Variants in RBFOX1 observed in about 807,000 individuals in gnomAD.
RBFOX1 encodes the protein RNA binding protein fox-1 homolog 1.
RBFOX1 carries 8 observed loss-of-function variants against 57.7 expected under a neutral mutation model. That is an observed-to-expected ratio of 0.14 (90% CI 0.08 to 0.25). The LOEUF is 0.25. Ranked by LOEUF, RBFOX1 falls within the 10% of genes least tolerant of loss-of-function variation. The probability of loss-of-function intolerance (pLI) is 1.00; values close to 1 mark genes in which losing one functional copy is unlikely to be tolerated. For missense variants in RBFOX1, 611 were observed against 548.5 expected, an observed-to-expected ratio of 1.11 and a Z score of -1.14; for synonymous variants, 326 against 222.4, an observed-to-expected ratio of 1.47 and a Z score of -4.15.
At chr16:7,149,022 G>T (rs201615217) in intron 4 of RBFOX1, among the ~76,000 whole-genome samples, 1 of 152,220 alleles carries the variant, frequency 6.6e-6, no homozygotes, top group Non-Finnish European at 1.5e-5. Flanking sequence ...TGCGTCAAGG[G>T]AAGGGGCCTT....
chr16:7,585,551 G>T (rs1044714775), intron 6 of RBFOX1, among the ~76,000 whole-genome samples: 1 of 152,080 alleles, frequency 6.6e-6, no homozygotes, highest in Admixed American at 6.6e-5. Flanking sequence ...AAATATGTGC[G>T]TCTGTGATTC....
intron 3 of RBFOX1, among the ~76,000 whole-genome samples, chr16:6,877,237 A>T (rs898591895): frequency 6.6e-6 from 1 of 152,188 alleles, no homozygotes; most frequent in Non-Finnish European, 1.5e-5. Context: ...ATATTTCATA[A>T]ATCCCACATG....
At chr16:6,383,688 T>C (rs1023128711) in intron 2 of RBFOX1, among the ~76,000 whole-genome samples, 16 of 152,002 alleles carry the variant, frequency 1.1e-4, no homozygotes, top group African/African-American at 3.1e-4. Context: ...GAGAATTGCA[T>C]GAACCCGGGA....
At chr16:7,214,024 C>G (rs547227047) in intron 4 of RBFOX1, among the ~76,000 whole-genome samples, 2 of 152,058 alleles carry the variant, frequency 1.3e-5, no homozygotes, top group South Asian at 2.1e-4. Context: ...AATTTGACCT[C>G]TCCCCTTTGC....
chr16:5,242,091 GT>G (rs1348367795), intron 1 of RBFOX1, among the ~76,000 whole-genome samples: 10 of 152,062 alleles, frequency 6.6e-5, no homozygotes, highest in Non-Finnish European at 8.8e-5. Flanking sequence ...TCCAGTCTAG[GT>G]GACAAAGTGA....
chr16:7,377,421 A>G (rs1240364574), intron 4 of RBFOX1, among the ~76,000 whole-genome samples: 2 of 152,230 alleles, frequency 1.3e-5, no homozygotes, highest in East Asian at 3.8e-4. Flanking sequence ...ACACAGGAAG[A>G]GTTTCTGAAG....
chr16:6,954,152 T>C (rs1373820553), intron 3 of RBFOX1, among the ~76,000 whole-genome samples: 1 of 152,184 alleles, frequency 6.6e-6, no homozygotes, highest in African/African-American at 2.4e-5. Flanking sequence ...AGGTTAGATC[T>C]AGTGGTTTTG....
intron 4 of RBFOX1, among the ~76,000 whole-genome samples, chr16:7,075,046 G>A (rs2058051856): frequency 6.6e-6 from 1 of 152,162 alleles, no homozygotes. Flanking sequence ...ACTCCCCAAA[G>A]CGTAAAAGCA....
intron 1 of RBFOX1, among the ~76,000 whole-genome samples, chr16:5,375,255 T>C (rs2065955753): frequency 6.6e-6 from 1 of 152,156 alleles, no homozygotes; most frequent in Non-Finnish European, 1.5e-5. Flanking sequence ...CTAAAATCAA[T>C]TGACCATGGA....
At chr16:5,744,063 T>G (rs2052880591) in intron 3 of RBFOX1, among the ~76,000 whole-genome samples, 1 of 152,138 alleles carries the variant, frequency 6.6e-6, no homozygotes, top group Non-Finnish European at 1.5e-5. Flanking sequence ...AGGTCTGGGC[T>G]GGGAAGTGCT....
chr16:6,030,475 A>G (rs921512003), intron 1 of RBFOX1, among the ~76,000 whole-genome samples: 2 of 152,216 alleles, frequency 1.3e-5, no homozygotes, highest in East Asian at 3.9e-4. Context: ...ACTCAGTTTT[A>G]TTTCTCTACC....
chr16:7,017,067 G>T (rs74008506), intron 3 of RBFOX1, among the ~76,000 whole-genome samples: 112 of 152,094 alleles, frequency 7.4e-4, no homozygotes, highest in Admixed American at 2.0e-3. Context: ...ATTGTTCCAT[G>T]TTGCTGTGAG....
intron 9 of RBFOX1, among the ~76,000 whole-genome samples, chr16:7,606,183 G>A (rs1173989208): frequency 8.9e-5 from 13 of 145,774 alleles, no homozygotes; most frequent in East Asian, 4.1e-4. Flanking sequence ...GTGCAATGGC[G>A]TGATCTCAGC....
At chr16:6,858,358 A>G (rs1014498643) in intron 3 of RBFOX1, among the ~76,000 whole-genome samples, 1 of 152,178 alleles carries the variant, frequency 6.6e-6, no homozygotes, top group Non-Finnish European at 1.5e-5. Flanking sequence ...GAAAAAGCAG[A>G]GCAGATTCGT....
chr16:6,518,845 A>ATCTG (rs71145241), intron 2 of RBFOX1, among the ~76,000 whole-genome samples: 4 of 105,236 alleles, frequency 3.8e-5, no homozygotes, highest in African/African-American at 1.2e-4. Flanking sequence ...CTATCTATCT[A>ATCTG]TCTGTCTTCC....
intron 4 of RBFOX1, among the ~76,000 whole-genome samples, chr16:5,868,047 A>T (rs1280230250): frequency 6.6e-6 from 1 of 152,180 alleles, no homozygotes; most frequent in African/African-American, 2.4e-5. Flanking sequence ...CAAGGCATGA[A>T]AGGAATTGTG....
intron 3 of RBFOX1, among the ~76,000 whole-genome samples, chr16:6,657,483 C>T (rs1026885072): frequency 3.9e-5 from 6 of 152,050 alleles, no homozygotes; most frequent in East Asian, 2.0e-4. Flanking sequence ...TGTGAGGCCA[C>T]ACAGGGAGCC....
intron 4 of RBFOX1, among the ~76,000 whole-genome samples, chr16:7,061,321 C>G (rs1246124093): frequency 6.6e-6 from 1 of 152,138 alleles, no homozygotes; most frequent in Admixed American, 6.5e-5. Context: ...CTTGTATGTT[C>G]TCCAGTCTTT....
chr16:7,159,715 G>C (rs1035763762), intron 4 of RBFOX1, among the ~76,000 whole-genome samples: 3 of 152,184 alleles, frequency 2.0e-5, no homozygotes, highest in Admixed American at 1.3e-4. Context: ...TGGCTGGCTA[G>C]TCTGTTGGAT....
Sources: allele counts gnomAD v4.1 joint callset (sites outside exome capture counted in the v4.1 genomes callset), GRCh38; gene constraint gnomAD v4.1.1; transcripts MANE v1.5; gene names NCBI Gene and HGNC (gene_info 2026-07-23, HGNC 2026-07-21).